Variants in RRP12 observed in about 807,000 individuals in gnomAD.
The protein encoded by RRP12 is ribosomal RNA processing 12 homolog.
Under a neutral mutation model 157.3 loss-of-function variants are expected in RRP12, and 78 were observed. That is an observed-to-expected ratio of 0.50 (90% CI 0.41 to 0.60). The LOEUF is 0.60. Ranked by LOEUF, RRP12 falls within the 20% of genes least tolerant of loss-of-function variation. RRP12 has a pLI of 0.00. For synonymous variants in RRP12, 726 were observed against 670.9 expected (o/e 1.08, Z -1.27); for missense variants, 1,521 against 1,679.9 (o/e 0.91, Z 1.65).
chr10:97,369,447 A>G lies in RRP12; in HGVS notation c.2933T>C (p.Leu978Pro). 6.2e-7 allele frequency: 1 copy of G among 1,612,474 alleles called. No individual in the cohort carries two copies. The highest frequency in any genetic ancestry group is 8.5e-7 in the Non-Finnish European group (1 of 1,179,374). Residue 978 changes from leucine to proline, a missense_variant, in exon 25 of 34, where the codon CTG (leucine) becomes CCG (proline). Transcript: ENST00000370992. The part of the protein sequence containing the change: ...VAVTVMDVAH[L>P]AKHVQLVMEA... ...CACCACCAGCTGCACATGTTTGGCC[A>G]GGTGCGCCACGTCCATGACAGTCAC...
chr10:97,360,411 C>A, intron 31 of RRP12, 135 bp downstream of exon 31: 1 of 708,028 alleles, frequency 1.4e-6, no homozygotes, highest in Admixed American at 2.2e-5. Context: ...TCATATCAGC[C>A]AACCTCTGTT....
intron 29 of RRP12, 198 bp downstream of exon 29, chr10:97,365,910 T>G: frequency 1.5e-6 from 1 of 660,350 alleles, no homozygotes; most frequent in Non-Finnish European, 2.6e-6. Context: ...GTTAAATATG[T>G]ATTGTATAAA....
chr10:97,366,252 C>T lies in RRP12; in HGVS notation c.3392-19G>A, dbSNP rs369460367. ...TGCGTGGCTGGGGTGTAGAGTTTGG[C>T]ATGAGGAGGTGGAAGGCCAGTCCCA... is the stretch of plus-strand genomic sequence containing the variant. On this transcript the variant is annotated intron_variant, in intron 28 of 33. Coordinates refer to ENST00000370992, the MANE Select transcript of RRP12 (RefSeq NM_015179.4). 6.7e-5 allele frequency: 108 copies of T among 1,609,698 alleles called. No homozygotes were observed. Among genetic ancestry groups the T allele is most frequent in the Non-Finnish European group, 7.9e-5 (93 of 1,179,172 alleles).
intron 3 of RRP12, among the ~76,000 whole-genome samples, chr10:97,395,830 G>A (rs368706909): frequency 2.1e-3 from 303 of 147,046 alleles, no homozygotes; most frequent in African/African-American, 6.7e-3. Flanking sequence ...CAGCCTGGGC[G>A]ACAGTGTGAG....
chr10:97,398,675 C>T (rs1053116269), intron 2 of RRP12, among the ~76,000 whole-genome samples: 1 of 151,876 alleles, frequency 6.6e-6, no homozygotes. Context: ...ATTTCAACTA[C>T]TCATAATTTA....
chr10:97,366,591 G>A lies in RRP12; in HGVS notation c.3246C>T (p.Asp1082=), dbSNP rs370528878. ...SIEEILADSE[D]EEDNEEEERS... ...TTTCCTCCTCCTCATTGTCCTCCTCGTCCTCTGAGTCAGCTAAAATCTCCT... is the reference window on the plus strand; with the variant it reads ...TTTCCTCCTCCTCATTGTCCTCCTCATCCTCTGAGTCAGCTAAAATCTCCT... Residue 1082 remains aspartate (D), a synonymous_variant, in exon 28 of 34, where the codon GAC becomes GAT. Coordinates refer to ENST00000370992, the MANE Select transcript of RRP12 (RefSeq NM_015179.4). 6.3e-5 allele frequency: 102 copies of A among 1,613,140 alleles called. No individual in the cohort carries two copies. The highest frequency in any genetic ancestry group is 1.5e-4 in the African/African-American group (11 of 74,796).
At position 97,370,152 on chromosome 10, in the gene RRP12, G is replaced by A; in HGVS notation, c.2797+15C>T. The A allele has an allele frequency of 4.5e-6, 7 of 1,554,460 alleles. No homozygotes were observed. Among genetic ancestry groups the A allele is most frequent in the Non-Finnish European group, 5.3e-6 (6 of 1,138,766 alleles). On this transcript the variant is annotated intron_variant, in intron 24 of 33. Coordinates refer to ENST00000370992, the MANE Select transcript of RRP12 (RefSeq NM_015179.4). ...TCTGAGGGCTTCTCAGGCCTTCTAG[G>A]AAATAAGCATTTACCTTTAAACTCG...
chr10:97,397,996 T>TAC (rs1845018585), intron 2 of RRP12, among the ~76,000 whole-genome samples: 1 of 54,098 alleles, frequency 1.8e-5, no homozygotes, highest in Admixed American at 2.0e-4. Context: ...AAAATACGTA[T>TAC]ATATATATAC....
chr10:97,381,919 C>T, intron 10 of RRP12, 93 bp from the exon 11 acceptor site: 1 of 825,964 alleles, frequency 1.2e-6, no homozygotes, highest in Non-Finnish European at 1.9e-6. Flanking sequence ...GCTCTGAAAA[C>T]AGTCACAAAC....
intron 3 of RRP12, among the ~76,000 whole-genome samples, chr10:97,394,117 C>T (rs1202645706): frequency 6.6e-6 from 1 of 152,066 alleles, no homozygotes; most frequent in Non-Finnish European, 1.5e-5. Flanking sequence ...CCGAGGAGGG[C>T]AGATCACGAG....
chr10:97,377,999 C>G (rs1022692088), intron 15 of RRP12, among the ~76,000 whole-genome samples: 1 of 152,104 alleles, frequency 6.6e-6, no homozygotes, highest in Non-Finnish European at 1.5e-5. Flanking sequence ...AGCAATGTAA[C>G]CCCATGCTCT....
intron 4 of RRP12, 32 bp from the exon 5 acceptor site, chr10:97,390,876 A>C: frequency 6.9e-7 from 1 of 1,448,416 alleles, no homozygotes; most frequent in Non-Finnish European, 9.7e-7. Flanking sequence ...GTCACCCCAG[A>C]GGGTCCCTGA....
At chr10:97,378,166 C>T (rs1206288895) in intron 15 of RRP12, among the ~76,000 whole-genome samples, 1 of 152,130 alleles carries the variant, frequency 6.6e-6, no homozygotes, top group African/African-American at 2.4e-5. Flanking sequence ...GGATGTGCAG[C>T]CTGAAGAAAG....
In RRP12 at chr10:97,400,418, C is replaced by G; in HGVS notation, c.256G>C (p.Val86Leu). 1 of 1,614,138 alleles carries G rather than the reference C, an allele frequency of 6.2e-7. No homozygotes were observed. The highest frequency in any genetic ancestry group is 2.2e-5 in the East Asian group (1 of 44,876). ...ETPMEEEAEL[V>L]LTEKSSGTFL... ...GTACCCGAGGACTTCTCGGTGAGAACCAGCTCCGCCTCTTCTTCCATGGGC... is the reference window on the plus strand; with the variant it reads ...GTACCCGAGGACTTCTCGGTGAGAAGCAGCTCCGCCTCTTCTTCCATGGGC... Residue 86 changes from valine to leucine, a missense_variant, in exon 2 of 34, where the codon GTT (valine) becomes CTT (leucine). Coordinates refer to ENST00000370992, the MANE Select transcript of RRP12 (RefSeq NM_015179.4).
intron 2 of RRP12, 76 bp downstream of exon 2, chr10:97,400,229 G>A: frequency 9.2e-7 from 1 of 1,086,112 alleles, no homozygotes; most frequent in Non-Finnish European, 1.4e-6. Flanking sequence ...TCGGAGACCT[G>A]TCGGCCAGAG....
rs1309890297 is a variant in RRP12, at chr10:97,373,737, T to A, written c.1864A>T (p.Met622Leu). The change falls in exon 17 of 34, where the codon ATG becomes TTG. Residue 622 changes from methionine to leucine, a missense_variant and splice_region_variant. By Grantham distance (15) the Met-to-Leu change is conservative (BLOSUM62 2). Transcript: ENST00000370992. Reference sequence around the variant, plus strand: ...CAGAACCCAGGCAGGAGTGTCCACATCTGGAGAAGGAGGGGACAATAAAGG... The same window carrying A: ...CAGAACCCAGGCAGGAGTGTCCACAACTGGAGAAGGAGGGGACAATAAAGG... ...SKIYDTLQWQMWTLLPGFCTR... is the reference protein window; with the variant it reads ...SKIYDTLQWQLWTLLPGFCTR... 3 of 1,612,402 alleles carry A rather than the reference T, an allele frequency of 1.9e-6. No individual in the cohort carries two copies. The highest frequency in any genetic ancestry group is 2.5e-6 in the Non-Finnish European group (3 of 1,178,636).
In RRP12 at chr10:97,401,311, T is replaced by A. The variant is rs190446739; in HGVS notation, c.-80A>T. Reference sequence around the variant, plus strand: ...GAAACACGCTCAGAACCCACGTGGATACCCTGTAGCCTTCACTTCCTCTTC... The same window carrying A: ...GAAACACGCTCAGAACCCACGTGGAAACCCTGTAGCCTTCACTTCCTCTTC... On this transcript the variant is annotated 5_prime_UTR_variant, in exon 1 of 34. Transcript: ENST00000370992. 1.3e-4 allele frequency: 206 copies of A among 1,544,000 alleles called. 1 individual carries two copies. The African/African-American group carries it at 2.1e-3, about 16-fold the overall frequency.
chr10:97,362,342 A>G (rs1413104582), intron 30 of RRP12, among the ~76,000 whole-genome samples: 1 of 152,194 alleles, frequency 6.6e-6, no homozygotes, highest in Non-Finnish European at 1.5e-5. Flanking sequence ...GCAAAGCCAC[A>G]TGTGAAGATG....
chr10:97,366,492 G>A lies in RRP12; in HGVS notation c.3345C>T (p.Asp1115=), dbSNP rs2275581. 417,903 of 1,613,510 alleles carry A rather than the reference G, an allele frequency of 0.26. 55,318 individuals are homozygous for A. The highest frequency in any genetic ancestry group is 0.32 in the South Asian group (29,574 of 91,044). ...TGGGATCCAGGAAGTTGAGGGGCTC[G>A]TCCCCACCGCCCTCTTTCAGCCATG... ...SRAWLKEGGG[D]EPLNFLDPKV... Residue 1115 remains aspartate, a synonymous_variant, in exon 28 of 34, where the codon GAC becomes GAT. Transcript: ENST00000370992.
Sources: gnomAD v4.1 joint callset for allele counts (sites outside exome capture counted in the v4.1 genomes callset) on GRCh38, gnomAD v4.1.1 for gene constraint, MANE v1.5 for transcripts, NCBI Gene and HGNC (gene_info 2026-07-23, HGNC 2026-07-21) for gene names.